Variants in DNAJC2 observed in about 807,000 individuals in gnomAD.
The protein encoded by DNAJC2 is dnaJ homolog subfamily C member 2.
DNAJC2 carries 32 observed loss-of-function variants against 94.0 expected under a neutral mutation model. That is an observed-to-expected ratio of 0.34 (90% confidence interval 0.26 to 0.46). DNAJC2 has a LOEUF of 0.46. Ranked by LOEUF, DNAJC2 falls within the 20% of genes least tolerant of loss-of-function variation. The pLI, the probability that DNAJC2 is intolerant of heterozygous loss-of-function variation, is 1.00. For synonymous variants in DNAJC2, 210 were observed against 229.7 expected (o/e 0.91, Z 0.77); for missense variants, 550 against 719.5 (o/e 0.76, Z 2.69).
At chr7:103,314,024 A>AAAAAC (rs370020947) in intron 15 of DNAJC2, 151 of 985,438 alleles carry the variant, frequency 1.5e-4, no homozygotes, top group Middle Eastern at 1.0e-3. Context: ...TTAAAGAAGG[A>AAAAAC]AAAACAAAAC....
chr7:103,313,746 A>G, intron 15 of DNAJC2: 1 of 985,132 alleles, frequency 1.0e-6, no homozygotes, highest in East Asian at 1.1e-4. Context: ...AACCTTGTAT[A>G]TTTCAGAAAA....
chr7:103,344,512 C>T, intron 1 of DNAJC2, 47 bp downstream of exon 1: 1 of 1,607,594 alleles, frequency 6.2e-7, no homozygotes, highest in Non-Finnish European at 8.5e-7. Flanking sequence ...AGGACTGAGG[C>T]AGGGGCAGCT....
intron 2 of DNAJC2, among the ~76,000 whole-genome samples, chr7:103,341,170 A>G (rs1020870234): frequency 9.9e-5 from 15 of 152,218 alleles, no homozygotes; most frequent in African/African-American, 3.4e-4. Context: ...CACTAGCCCT[A>G]TAACAGTAAA....
chr7:103,325,623 G>A lies in DNAJC2; in HGVS notation c.572+920C>T, dbSNP rs141209663. On this transcript the variant is annotated intron_variant, in intron 5 of 16. Coordinates refer to ENST00000379263, the MANE Select transcript of DNAJC2 (RefSeq NM_014377.3). ...AAACCAATAAATCAGAATCTTTCCA[G>A]GTGGAACTCAGGCATCAGGAGTTCT... 9.9e-5 allele frequency among the ~76,000 whole-genome samples: 15 copies of A among 152,246 alleles called. No homozygotes were observed. The East Asian group carries it at 2.9e-3, about 29-fold the overall frequency.
At chr7:103,344,456 A>C (rs1237039013) in intron 1 of DNAJC2, 103 bp downstream of exon 1, 2 of 1,327,350 alleles carry the variant, frequency 1.5e-6, no homozygotes, top group Non-Finnish European at 2.2e-6. Context: ...CCCCGGGGCT[A>C]GTCGCCAGGG....
intron 1 of DNAJC2, 43 bp from the exon 2 acceptor site, chr7:103,341,997 G>A: frequency 2.9e-6 from 4 of 1,376,026 alleles, no homozygotes; most frequent in Non-Finnish European, 3.9e-6. Flanking sequence ...GTATCGCATG[G>A]AATAAATATG....
chr7:103,325,157 A>G (rs1818634165), intron 5 of DNAJC2, among the ~76,000 whole-genome samples: 1 of 152,160 alleles, frequency 6.6e-6, no homozygotes, highest in African/African-American at 2.4e-5. Context: ...CTATAAAACA[A>G]ACGTGGCCAG....
intron 3 of DNAJC2, among the ~76,000 whole-genome samples, chr7:103,332,657 G>T (rs1287991838): frequency 1.3e-5 from 2 of 151,752 alleles, no homozygotes; most frequent in African/African-American, 4.8e-5. Flanking sequence ...ATGGGGACAG[G>T]GTCTTACTAT....
rs556732370 is a variant in DNAJC2 at position 103,330,671 on chromosome 7, C to T, written c.332-2917G>A. 9.3e-5 allele frequency among the ~76,000 whole-genome samples: 14 copies of T among 149,810 alleles called. No individual in the cohort carries two copies. The South Asian group carries it at 2.8e-3, about 30-fold the overall frequency. On this transcript the variant is annotated intron_variant, in intron 3 of 16. Transcript: ENST00000379263. ...TTCACCATGTTGGCCAGGCTGGTCT[C>T]GAACTCCTGACCTCGTGATCTGCCC...
chr7:103,319,563 G>T, intron 12 of DNAJC2, 46 bp downstream of exon 12: 1 of 1,574,342 alleles, frequency 6.4e-7, no homozygotes, highest in South Asian at 1.1e-5. Context: ...GGTCAAAGCA[G>T]AATTAAATGC....
chr7:103,329,900 C>G (rs1187246865), intron 3 of DNAJC2, among the ~76,000 whole-genome samples: 1 of 151,964 alleles, frequency 6.6e-6, no homozygotes. Flanking sequence ...TCCTTCTTTC[C>G]AATAGTTGTC....
At chr7:103,343,167 T>G (rs1015974410) in intron 1 of DNAJC2, among the ~76,000 whole-genome samples, 1 of 151,956 alleles carries the variant, frequency 6.6e-6, no homozygotes, top group African/African-American at 2.4e-5. Context: ...GCCCAGCTAC[T>G]TTTTTGTATT....
intron 16 of DNAJC2, 44 bp from the exon 17 acceptor site, chr7:103,312,687 A>G: frequency 6.2e-7 from 1 of 1,604,308 alleles, no homozygotes; most frequent in Non-Finnish European, 8.5e-7. Flanking sequence ...GCGATTTAAA[A>G]ACAGACATTT....
intron 3 of DNAJC2, chr7:103,329,061 A>C: frequency 8.9e-7 from 1 of 1,128,268 alleles, no homozygotes; most frequent in Non-Finnish European, 1.1e-6. Flanking sequence ...AATTATTTAA[A>C]ATTTGTGATT....
rs766585121 is a variant in DNAJC2 at position 103,322,696 on chromosome 7, T to C, written c.811+7A>G. The C allele has an allele frequency of 2.7e-5, 43 of 1,612,594 alleles. No individual in the cohort carries two copies. Among genetic ancestry groups the C allele is most frequent in the Non-Finnish European group, 3.6e-5 (42 of 1,179,680 alleles). On this transcript the variant is annotated splice_region_variant and intron_variant, in intron 8 of 16. Transcript: ENST00000379263. ...ACATTTAGGGGACTTAAATCAATTC[T>C]ACTTACCAACTAATGTTCTTATTCT... is the stretch of plus-strand genomic sequence containing the variant.
chr7:103,317,596 A>C (rs1303127560), intron 12 of DNAJC2, among the ~76,000 whole-genome samples: 1 of 152,148 alleles, frequency 6.6e-6, no homozygotes, highest in South Asian at 2.1e-4. Flanking sequence ...CAATAATGCT[A>C]ACCTTGAAAA....
At chr7:103,340,797 A>G (rs1480066858) in intron 2 of DNAJC2, among the ~76,000 whole-genome samples, 1 of 152,226 alleles carries the variant, frequency 6.6e-6, no homozygotes, top group Non-Finnish European at 1.5e-5. Flanking sequence ...AATGACTTCA[A>G]AAAGTCTTTG....
In DNAJC2 at chr7:103,313,259, G is replaced by A. The variant is rs557088518; in HGVS notation, c.1637-158C>T. 1.8e-5 allele frequency: 24 copies of A among 1,347,688 alleles called. No individual in the cohort carries two copies. In the African/African-American group the frequency reaches 3.0e-4, roughly 17 times the overall value. 83.5% of individuals were successfully genotyped at this position (1,347,688 alleles called of 1,614,324 possible). ...GAGAGATACATATAGCCCTCTGAGTGTTAATAAGAGAAAAAATTTCAGATA... is the reference window on the plus strand; with the variant it reads ...GAGAGATACATATAGCCCTCTGAGTATTAATAAGAGAAAAAATTTCAGATA... On this transcript the variant is annotated intron_variant, in intron 15 of 16. Coordinates refer to ENST00000379263, the MANE Select transcript of DNAJC2 (RefSeq NM_014377.3).
chr7:103,324,510 CA>C lies in DNAJC2; in HGVS notation c.624del (p.Phe208LeufsTer4). 6.7e-7 allele frequency: 1 copy of C among 1,497,016 alleles called. No homozygotes were observed. Among genetic ancestry groups the C allele is most frequent in the East Asian group, 2.4e-5 (1 of 41,568 alleles). 92.7% of individuals were successfully genotyped at this position (1,497,016 alleles called of 1,614,324 possible). ...AAAGAATAAAATATATCTACATCTT[CA>C]AATGATGAATTCATATCACCAAGTT... ...VPKLGDMNSSFEDVDIFYSFW... is the reference protein window; with the variant it reads ...VPKLGDMNSSXEDVDIFYSFW... On this transcript the variant is annotated frameshift_variant, in exon 6 of 17. Coordinates refer to ENST00000379263, the MANE Select transcript of DNAJC2 (RefSeq NM_014377.3). LOFTEE classifies it high-confidence loss of function.
Sources: allele counts gnomAD v4.1 joint callset (sites outside exome capture counted in the v4.1 genomes callset), GRCh38; gene constraint gnomAD v4.1.1; transcripts MANE v1.5; gene names NCBI Gene and HGNC (gene_info 2026-07-23, HGNC 2026-07-21).